The following TBX20 variants were observed in gnomAD, a reference collection of about 807,000 sequenced individuals.
The protein encoded by TBX20 is T-box transcription factor 20, also known as T-box transcription factor TBX20.
In TBX20, 8 loss-of-function variants were observed where a neutral mutation model predicts 42.9. That is an observed-to-expected ratio of 0.19 (90% CI 0.11 to 0.34). The LOEUF (loss-of-function observed/expected upper bound fraction) is 0.34. TBX20 is among the 10% of genes least tolerant of loss of function. The pLI, the probability that TBX20 is intolerant of heterozygous loss-of-function variation, is 1.00. For synonymous variants in TBX20, 198 were observed against 222.8 expected, an observed-to-expected ratio of 0.89 and a Z score of 0.99; for missense variants, 411 against 566.0, an observed-to-expected ratio of 0.73 and a Z score of 2.78.
chr7:35,222,900 T>A (rs1454139287), intron 6 of TBX20, among the ~76,000 whole-genome samples: 2 of 152,192 alleles, frequency 1.3e-5, no homozygotes, highest in Non-Finnish European at 2.9e-5. Flanking sequence ...GTGATCAAAC[T>A]TCCTTTCTTT....
In TBX20 at chr7:35,253,698, C is replaced by A; in HGVS notation, c.-78G>T. ...AGATTCCCCAAGGGAGACAAAGACC[C>A]GAAACACAGCTCAAAGTTTCCGAGA... On this transcript the variant is annotated 5_prime_UTR_variant, in exon 1 of 8. Coordinates refer to ENST00000408931, the MANE Select transcript of TBX20 (RefSeq NM_001077653.2). The A allele has an allele frequency of 6.4e-7, 1 of 1,558,426 alleles. No homozygotes were observed. Among genetic ancestry groups the A allele is most frequent in the Non-Finnish European group, 8.6e-7 (1 of 1,156,392 alleles).
intron 1 of TBX20, among the ~76,000 whole-genome samples, chr7:35,252,385 T>C (rs1790321971): frequency 6.6e-6 from 1 of 152,100 alleles, no homozygotes; most frequent in East Asian, 1.9e-4. Context: ...GACAGATTTT[T>C]TTTTTTTTTT....
chr7:35,244,814 T>G, intron 4 of TBX20, 135 bp downstream of exon 4: 1 of 689,026 alleles, frequency 1.5e-6, no homozygotes, highest in Non-Finnish European at 2.7e-6. Flanking sequence ...CACATAAATG[T>G]TCCCATAAAA....
chr7:35,243,430 C>T (rs1199694260), intron 4 of TBX20, among the ~76,000 whole-genome samples: 3 of 152,098 alleles, frequency 2.0e-5, no homozygotes, highest in Non-Finnish European at 2.9e-5. Context: ...GAAGCTGATG[C>T]TAAAAGGAAA....
At chr7:35,212,239 T>C (rs3999951) in intron 6 of TBX20, among the ~76,000 whole-genome samples, 1 of 152,216 alleles carries the variant, frequency 6.6e-6, no homozygotes, top group Non-Finnish European at 1.5e-5. Context: ...ATTTTATACA[T>C]TGCAGTTTTC....
chr7:35,213,071 C>A (rs1301734801), intron 6 of TBX20, among the ~76,000 whole-genome samples: 1 of 152,180 alleles, frequency 6.6e-6, no homozygotes, highest in African/African-American at 2.4e-5. Flanking sequence ...TCTATACCCC[C>A]TCAGGAAATA....
chr7:35,247,859 A>C (rs1160008100), intron 3 of TBX20, among the ~76,000 whole-genome samples: 1 of 152,238 alleles, frequency 6.6e-6, no homozygotes, highest in Non-Finnish European at 1.5e-5. Flanking sequence ...TTTGTATTAA[A>C]GTAGGCAGTT....
intron 5 of TBX20, among the ~76,000 whole-genome samples, chr7:35,233,401 T>C (rs909746744): frequency 6.6e-6 from 1 of 152,238 alleles, no homozygotes; most frequent in African/African-American, 2.4e-5. Flanking sequence ...AAAATAGCTA[T>C]GCTATGAGCA....
intron 5 of TBX20, among the ~76,000 whole-genome samples, chr7:35,232,778 G>A (rs184461203): frequency 8.5e-5 from 13 of 152,232 alleles, no homozygotes; most frequent in South Asian, 2.1e-4. Flanking sequence ...TAATCCCAGC[G>A]CTTTGGGAGA....
chr7:35,246,470 CCTCT>C (rs566178062), intron 3 of TBX20, among the ~76,000 whole-genome samples: 41 of 152,094 alleles, frequency 2.7e-4, no homozygotes, highest in Middle Eastern at 3.4e-3. Flanking sequence ...TGAAATGTTC[CCTCT>C]CTAAGGATCA....
chr7:35,203,587 T>C (rs1308460563), intron 7 of TBX20, among the ~76,000 whole-genome samples: 2 of 152,238 alleles, frequency 1.3e-5, no homozygotes, highest in Non-Finnish European at 2.9e-5. Flanking sequence ...ACATGTAACA[T>C]ACAGAATATG....
Position 35,202,638 on chromosome 7 carries a change from A to G in TBX20, c.1136T>C (p.Ile379Thr), listed in dbSNP as rs1236811449. 25 of 1,613,774 alleles carry G rather than the reference A, an allele frequency of 1.5e-5. No homozygotes were observed. Among genetic ancestry groups the G allele is most frequent in the Admixed American group, 6.7e-5 (4 of 59,982 alleles). ...CAGAGAACCCTGGATGGGGTGAGGAATGGGTGTTGCTATGGATGCTGTGCT... is the reference window on the plus strand; with the variant it reads ...CAGAGAACCCTGGATGGGGTGAGGAGTGGGTGTTGCTATGGATGCTGTGCT... ...GTSTASIATP[I>T]PHPIQGSLPP... is the part of the protein sequence containing the mutation. Residue 379 changes from isoleucine (I) to threonine (T), a missense_variant, in exon 8 of 8, where the codon ATT becomes ACT. By Grantham distance (89) the Ile-to-Thr change is moderately conservative. Coordinates refer to ENST00000408931, the MANE Select transcript of TBX20 (RefSeq NM_001077653.2).
intron 3 of TBX20, among the ~76,000 whole-genome samples, chr7:35,245,317 G>GC: frequency 3.4e-5 from 1 of 29,388 alleles, no homozygotes; most frequent in African/African-American, 1.7e-4. Flanking sequence ...ATTGTTTAAA[G>GC]GGGTGTGTGT....
chr7:35,208,503 G>A (rs1789437459), intron 6 of TBX20, among the ~76,000 whole-genome samples: 1 of 152,088 alleles, frequency 6.6e-6, no homozygotes, highest in South Asian at 2.1e-4. Flanking sequence ...AGCACTTTGA[G>A]AGGCTAAGGT....
chr7:35,216,341 T>C (rs1789589460), intron 6 of TBX20, among the ~76,000 whole-genome samples: 1 of 152,206 alleles, frequency 6.6e-6, no homozygotes, highest in Admixed American at 6.5e-5. Context: ...AGGGGCATGT[T>C]TGCTGGAGCA....
intron 3 of TBX20, among the ~76,000 whole-genome samples, chr7:35,246,509 A>C (rs1433348607): frequency 6.6e-6 from 1 of 152,230 alleles, no homozygotes; most frequent in African/African-American, 2.4e-5. Flanking sequence ...AATGGCTATT[A>C]ATAAAATATT....
intron 5 of TBX20, among the ~76,000 whole-genome samples, chr7:35,237,914 T>C (rs1232557827): frequency 6.6e-6 from 1 of 152,066 alleles, no homozygotes; most frequent in Non-Finnish European, 1.5e-5. Flanking sequence ...AATCAATGTC[T>C]CAGAGTCTAT....
chr7:35,248,923 G>C (rs1790251017), intron 2 of TBX20, 82 bp from the exon 3 acceptor site: 1 of 1,547,064 alleles, frequency 6.5e-7, no homozygotes, highest in Middle Eastern at 1.7e-4. Context: ...GGAAGGGAGG[G>C]AGGGAAGGAG....
chr7:35,208,790 C>CATCAAT (rs1789446059), intron 6 of TBX20, among the ~76,000 whole-genome samples: 1 of 89,086 alleles, frequency 1.1e-5, no homozygotes, highest in Non-Finnish European at 2.1e-5. Context: ...AAAGAACAGA[C>CATCAAT]ATCAATAACT....
Sources: allele counts gnomAD v4.1 joint callset (sites outside exome capture counted in the v4.1 genomes callset), GRCh38; gene constraint gnomAD v4.1.1; transcripts MANE v1.5; gene names NCBI Gene and HGNC (gene_info 2026-07-23, HGNC 2026-07-21).